Variants in PCDHGB5 observed in about 807,000 individuals in gnomAD.
PCDHGB5 encodes the protein protocadherin gamma-B5.
In PCDHGB5, 48 loss-of-function variants were observed where a neutral mutation model predicts 62.9. That is an observed-to-expected ratio of 0.76 (90% CI 0.61 to 0.97). The LOEUF (loss-of-function observed/expected upper bound fraction) is 0.97, where lower values mean the gene tolerates loss of function less well. Among genes scored for constraint, PCDHGB5 ranks in the 50% least tolerant of loss-of-function variants. The pLI is 0.00. For synonymous variants in PCDHGB5, 474 were observed against 511.2 expected (o/e 0.93, Z 0.98); for missense variants, 1,118 against 1,198.6 (o/e 0.93, Z 0.99).
rs1160156030 is a variant in PCDHGB5 at position 141,477,238 on chromosome 5, C to T, written c.2398-17569C>T. 20 of 1,614,094 alleles carry T rather than the reference C, an allele frequency of 1.2e-5. No individual in the cohort carries two copies. The highest frequency in any genetic ancestry group is 5.0e-5 in the Admixed American group (3 of 60,006). The stretch of plus-strand genomic sequence containing the variant: ...CTCTGGGGACTGTCATCGCTTTGCT[C>T]AGTGTGACTGACCTGGATGCTGGCG... On this transcript the variant is annotated intron_variant, in intron 1 of 3. Transcript: ENST00000617380. This position sits in a 1 kb window ranked among gnomAD's most constrained non-coding sequence, Gnocchi z 4.9.
At chr5:141,456,453 A>G (rs1395554812) in intron 1 of PCDHGB5, among the ~76,000 whole-genome samples, 1 of 152,190 alleles carries the variant, frequency 6.6e-6, no homozygotes, top group Non-Finnish European at 1.5e-5. Flanking sequence ...GAGTCCAAAT[A>G]TCAATACAAG....
At chr5:141,434,427 G>A (rs2097693282) in intron 1 of PCDHGB5, among the ~76,000 whole-genome samples, 1 of 152,216 alleles carries the variant, frequency 6.6e-6, no homozygotes, top group African/African-American at 2.4e-5. Context: ...GTTCATGATG[G>A]CCGTAATGCC....
intron 1 of PCDHGB5, chr5:141,419,487 G>T: frequency 6.2e-7 from 1 of 1,612,378 alleles, no homozygotes. Context: ...CCCGCGCTCA[G>T]CGCCAATGTG....
chr5:141,415,197 A>G, intron 1 of PCDHGB5: 1 of 1,614,016 alleles, frequency 6.2e-7, no homozygotes, highest in African/African-American at 1.3e-5. Context: ...GCATCCCCCA[A>G]GTCCTGGCGG....
At position 141,477,910 on chromosome 5, in the gene PCDHGB5, G is replaced by C. The variant is rs766164142; in HGVS notation, c.2398-16897G>C. ...TGTCACGGGTGGTAGGCTGGGACGC[G>C]GATGCAGGGCACAATGCCTGGCTCT... On this transcript the variant is annotated intron_variant, in intron 1 of 3. Coordinates refer to ENST00000617380, the MANE Select transcript of PCDHGB5 (RefSeq NM_018925.3). This position sits in a 1 kb window ranked among gnomAD's most constrained non-coding sequence, Gnocchi z 4.9. 3 of 1,614,168 alleles carry C rather than the reference G, an allele frequency of 1.9e-6. No homozygotes were observed. Among genetic ancestry groups the C allele is most frequent in the Non-Finnish European group, 2.5e-6 (3 of 1,180,032 alleles).
intron 1 of PCDHGB5, among the ~76,000 whole-genome samples, chr5:141,449,413 C>G (rs2098637966): frequency 6.6e-6 from 1 of 151,656 alleles, no homozygotes; most frequent in African/African-American, 2.4e-5. Flanking sequence ...TCAAGACCAG[C>G]CTGGCCAACA....
Position 141,399,396 on chromosome 5 carries a change from G to A in PCDHGB5, c.1269G>A (p.Arg423=), listed in dbSNP as rs2093799031. 1 of 1,613,842 alleles carries A rather than the reference G, an allele frequency of 6.2e-7. No homozygotes were observed. The highest frequency in any genetic ancestry group is 1.3e-5 in the African/African-American group (1 of 74,930). Residue 423 remains arginine, a synonymous_variant, in exon 1 of 4, where the codon AGG becomes AGA. Transcript: ENST00000617380. ...ATGTCACCATCACAGCCACAGACAGGGGCAAGCCGCCCCTCTCCTCCAGCA... is the reference window on the plus strand; with the variant it reads ...ATGTCACCATCACAGCCACAGACAGAGGCAAGCCGCCCCTCTCCTCCAGCA... ...EYNVTITATD[R]GKPPLSSSIS...
At chr5:141,418,603 G>A (rs769167342) in intron 1 of PCDHGB5, 7 of 1,613,902 alleles carry the variant, frequency 4.3e-6, no homozygotes, top group East Asian at 4.5e-5. Context: ...ACGTGTACAG[G>A]GTTAGCCTTC....
At chr5:141,427,333 T>C (rs1157500463) in intron 1 of PCDHGB5, 1 of 457,322 alleles carries the variant, frequency 2.2e-6, no homozygotes, top group Non-Finnish European at 4.4e-6. Context: ...TTTACTTCAG[T>C]GTCCAGTTCT....
chr5:141,423,693 G>A (rs114008539), intron 1 of PCDHGB5: 1 of 1,396,244 alleles, frequency 7.2e-7, no homozygotes, highest in Non-Finnish European at 9.4e-7. Flanking sequence ...CTAATTGTTG[G>A]TGTCTTGGCA....
Position 141,432,331 on chromosome 5 carries a change from G to A in PCDHGB5, c.2397+31807G>A, listed in dbSNP as rs763952193. Reference sequence around the variant, plus strand: ...CGCTGAGCTCCTTCGACTACGAGCAGTTCCGAGACTTGCAAGTGAAAGTGA... The same window carrying A: ...CGCTGAGCTCCTTCGACTACGAGCAATTCCGAGACTTGCAAGTGAAAGTGA... On this transcript the variant is annotated intron_variant, in intron 1 of 3. Transcript: ENST00000617380. The surrounding 1 kb of genome is among the most constrained non-coding windows in gnomAD (Gnocchi z 6.0). The A allele has an allele frequency of 1.2e-6, 2 of 1,614,278 alleles. No individual in the cohort carries two copies. Among genetic ancestry groups the A allele is most frequent in the East Asian group, 2.2e-5 (1 of 44,888 alleles).
intron 1 of PCDHGB5, among the ~76,000 whole-genome samples, chr5:141,438,609 T>TATAC (rs2098013849): frequency 2.4e-5 from 1 of 41,118 alleles, no homozygotes; most frequent in Non-Finnish European, 3.9e-5. Context: ...TATATATATA[T>TATAC]ATATATATAT....
intron 1 of PCDHGB5, among the ~76,000 whole-genome samples, chr5:141,401,296 C>G (rs2094138441): frequency 6.6e-6 from 1 of 152,104 alleles, no homozygotes; most frequent in African/African-American, 2.4e-5. Flanking sequence ...GAGCCGAGAT[C>G]ACTCCATTGC....
intron 1 of PCDHGB5, chr5:141,428,239 G>T (rs1183885220): frequency 3.0e-6 from 3 of 997,526 alleles, no homozygotes; most frequent in Non-Finnish European, 4.6e-6. Flanking sequence ...CCTGCAGGAG[G>T]CACTGCCAGA....
rs1444244130 is a variant in PCDHGB5 at position 141,433,401 on chromosome 5, A to ATCTATCTC, written c.2397+32882_2397+32883insCTCTCTAT. The stretch of plus-strand genomic sequence containing the variant: ...TATCTATCTATCTATCTATCTATCT[A>ATCTATCTC]TCTATTACTTTCTTGTACAGACAGG... On this transcript the variant is annotated intron_variant, in intron 1 of 3. Transcript: ENST00000617380. Among the ~76,000 whole-genome samples, 100 of 150,598 alleles carry ATCTATCTC rather than the reference A, an allele frequency of 6.6e-4. 1 individual carries two copies. Among genetic ancestry groups the ATCTATCTC allele is most frequent in the African/African-American group, 2.4e-3 (100 of 40,958 alleles).
chr5:141,458,367 G>A (rs1297876142), intron 1 of PCDHGB5, among the ~76,000 whole-genome samples: 2 of 152,130 alleles, frequency 1.3e-5, no homozygotes, highest in African/African-American at 2.4e-5. Context: ...AGAAGGAAGG[G>A]AGAAGAGAGA....
chr5:141,456,103 T>C lies in PCDHGB5; in HGVS notation c.2398-38704T>C, dbSNP rs185224428. Among the ~76,000 whole-genome samples the C allele has an allele frequency of 2.6e-3, 390 of 152,142 alleles. 3 individuals are homozygous for C. The highest frequency in any genetic ancestry group is 6.7e-3 in the Admixed American group (103 of 15,290). On this transcript the variant is annotated intron_variant, in intron 1 of 3. Coordinates refer to ENST00000617380, the MANE Select transcript of PCDHGB5 (RefSeq NM_018925.3). The stretch of plus-strand genomic sequence containing the variant: ...CAGTAGAGACGGGATTTCACCGTGT[T>C]AGCCAGGATGGTCTCCATCTCCTGA...
intron 1 of PCDHGB5, among the ~76,000 whole-genome samples, chr5:141,461,644 A>C (rs1266858748): frequency 1.3e-5 from 2 of 151,868 alleles, no homozygotes; most frequent in Non-Finnish European, 2.9e-5. Flanking sequence ...TTCTTCTTTG[A>C]CCCATGGATT....
chr5:141,404,897 C>T, intron 1 of PCDHGB5: 2 of 1,613,920 alleles, frequency 1.2e-6, no homozygotes, highest in Non-Finnish European at 1.7e-6. Flanking sequence ...TGTACAGGAC[C>T]ATGGCCAGCC....
Sources: allele counts gnomAD v4.1 joint callset (sites outside exome capture counted in the v4.1 genomes callset), GRCh38; gene constraint gnomAD v4.1.1; non-coding constraint Gnocchi (gnomAD v3.1); transcripts MANE v1.5; gene names NCBI Gene and HGNC (gene_info 2026-07-23, HGNC 2026-07-21).